The following XKR6 variants were observed in gnomAD, a reference collection of about 807,000 sequenced individuals.
XKR6 encodes the protein XK related 6.
XKR6 carries 22 observed loss-of-function variants against 56.7 expected under a neutral mutation model. The ratio of observed to expected loss-of-function variants is 0.39; its 90% CI spans 0.28 to 0.55. The LOEUF (loss-of-function observed/expected upper bound fraction) is 0.55, where lower values mean the gene tolerates loss of function less well. Among genes scored for constraint, XKR6 ranks in the 20% least tolerant of loss-of-function variants. The pLI, the probability that XKR6 is intolerant of heterozygous loss-of-function variation, is 0.66. For missense variants in XKR6, 852 were observed against 889.0 expected, an observed-to-expected ratio of 0.96 and a Z score of 0.53; for synonymous variants, 524 against 387.8, an observed-to-expected ratio of 1.35 and a Z score of -4.13.
intron 1 of XKR6, among the ~76,000 whole-genome samples, chr8:10,932,424 T>C (rs1245233055): frequency 9.0e-6 from 1 of 111,348 alleles, no homozygotes; most frequent in Non-Finnish European, 2.0e-5. Flanking sequence ...ATTTTCTTTT[T>C]CTTTTTTTTT....
chr8:11,088,174 A>G (rs990716553), intron 1 of XKR6, among the ~76,000 whole-genome samples: 2 of 152,178 alleles, frequency 1.3e-5, no homozygotes, highest in Admixed American at 6.5e-5. Flanking sequence ...ACACTGTGAT[A>G]TCAGAAGACC....
intron 2 of XKR6, 129 bp downstream of exon 2, chr8:10,924,505 G>C: frequency 8.8e-7 from 1 of 1,132,880 alleles, no homozygotes; most frequent in Non-Finnish European, 1.2e-6. Flanking sequence ...GGGGCCGGGC[G>C]TCCTGGGGAC....
At chr8:11,024,898 G>C (rs1408863792) in intron 1 of XKR6, among the ~76,000 whole-genome samples, 1 of 152,234 alleles carries the variant, frequency 6.6e-6, no homozygotes, top group Non-Finnish European at 1.5e-5. Flanking sequence ...CCCAAGTTGA[G>C]ACAGCACCTG....
chr8:11,033,784 T>C (rs1426581391), intron 1 of XKR6, among the ~76,000 whole-genome samples: 1 of 152,130 alleles, frequency 6.6e-6, no homozygotes, highest in Non-Finnish European at 1.5e-5. Context: ...CCAGGTCCAC[T>C]CGTATCTTCA....
At chr8:10,931,793 A>C (rs1801057908) in intron 1 of XKR6, among the ~76,000 whole-genome samples, 1 of 152,116 alleles carries the variant, frequency 6.6e-6, no homozygotes. Flanking sequence ...TATCAGACAA[A>C]GAGTTCTTAA....
intron 2 of XKR6, among the ~76,000 whole-genome samples, chr8:10,909,937 C>T (rs567185276): frequency 3.3e-5 from 5 of 151,692 alleles, no homozygotes; most frequent in African/African-American, 1.2e-4. Context: ...CCTAAGCTTA[C>T]AGTATTAAGC....
chr8:10,946,861 A>G (rs1206646070), intron 1 of XKR6, among the ~76,000 whole-genome samples: 2 of 152,136 alleles, frequency 1.3e-5, no homozygotes, highest in African/African-American at 4.8e-5. Context: ...TGTCAGAGGC[A>G]CTGGAGCTGA....
At chr8:11,195,235 A>T (rs1288633696) in intron 1 of XKR6, 1 of 700,000 alleles carries the variant, frequency 1.4e-6, no homozygotes, top group South Asian at 1.5e-5. Flanking sequence ...CAACATTATA[A>T]AAAATAATCA....
chr8:10,980,064 G>C (rs114288657), intron 1 of XKR6, among the ~76,000 whole-genome samples: 2,313 of 152,344 alleles, frequency 0.015, 56 homozygotes, highest in African/African-American at 0.053. Flanking sequence ...GAGATGAACA[G>C]ACAGGGGAGC....
Position 11,129,142 on chromosome 8 carries a change from T to C in XKR6, c.764+71434A>G, listed in dbSNP as rs1302907562. The stretch of plus-strand genomic sequence containing the variant: ...GGGCTATGATGAATAAAGGAGTTTC[T>C]TTTGGAGTGATGAAAACATTTTGCA... On this transcript the variant is annotated intron_variant, in intron 1 of 2. Transcript: ENST00000416569. 28 of 360,748 alleles carry C rather than the reference T, an allele frequency of 7.8e-5. No homozygotes were observed. The East Asian group carries it at 1.8e-3, about 23-fold the overall frequency. The allele number at this position is 360,748 out of a possible 1,614,324, so 22.3% of individuals were successfully genotyped here.
chr8:10,901,597 G>C (rs1800037563), intron 2 of XKR6, among the ~76,000 whole-genome samples: 1 of 152,158 alleles, frequency 6.6e-6, no homozygotes, highest in African/African-American at 2.4e-5. Context: ...TGTTAATCAT[G>C]AACATCTGGT....
chr8:10,954,405 A>G (rs1156948094), intron 1 of XKR6, among the ~76,000 whole-genome samples: 2 of 152,342 alleles, frequency 1.3e-5, no homozygotes, highest in Non-Finnish European at 1.5e-5. Flanking sequence ...GTATTTCCCT[A>G]AAGATTAATG....
rs62490734 is a variant in XKR6, at chr8:10,997,315, G to C, written c.765-72485C>G. ...CCTGTTTTAACTCCTTTAATCCTCA[G>C]AACAACCTCTTGAGGTGACCACTGT... On this transcript the variant is annotated intron_variant, in intron 1 of 2. Transcript: ENST00000416569. Among the ~76,000 whole-genome samples the C allele has an allele frequency of 3.3e-3, 499 of 152,210 alleles. 7 individuals are homozygous for C. Among genetic ancestry groups the C allele is most frequent in the Non-Finnish European group, 4.2e-3 (286 of 68,002 alleles).
chr8:11,198,597 T>G (rs1804022095), intron 1 of XKR6, among the ~76,000 whole-genome samples: 1 of 152,064 alleles, frequency 6.6e-6, no homozygotes, highest in Non-Finnish European at 1.5e-5. Context: ...TGCCCTAAAA[T>G]CTGGACTTCC....
chr8:11,180,160 A>G (rs533403079), intron 1 of XKR6, among the ~76,000 whole-genome samples: 1 of 152,276 alleles, frequency 6.6e-6, no homozygotes, highest in South Asian at 2.1e-4. Flanking sequence ...AAAAATAAAA[A>G]TAATAAAAGG....
chr8:11,186,586 C>A (rs1404915581), intron 1 of XKR6, among the ~76,000 whole-genome samples: 1 of 152,138 alleles, frequency 6.6e-6, no homozygotes, highest in Admixed American at 6.5e-5. Context: ...GCCTACATTG[C>A]CCAGGTTGGT....
chr8:10,978,756 C>T (rs1474257271), intron 1 of XKR6, among the ~76,000 whole-genome samples: 2 of 152,224 alleles, frequency 1.3e-5, no homozygotes, highest in Non-Finnish European at 2.9e-5. Context: ...AGTCTCCCTC[C>T]CTGGCCAGGG....
chr8:10,959,537 AG>A (rs1284687461), intron 1 of XKR6, among the ~76,000 whole-genome samples: 5 of 152,190 alleles, frequency 3.3e-5, no homozygotes. Context: ...ACTTGCAGAC[AG>A]CCACCTTCTT....
chr8:11,119,614 A>G (rs1040025519), intron 1 of XKR6, among the ~76,000 whole-genome samples: 8 of 152,104 alleles, frequency 5.3e-5, no homozygotes, highest in Admixed American at 4.6e-4. Flanking sequence ...TTTATCCGAG[A>G]CTAGGATTGC....
Sources: allele counts gnomAD v4.1 joint callset (sites outside exome capture counted in the v4.1 genomes callset), GRCh38; gene constraint gnomAD v4.1.1; transcripts MANE v1.5; gene names NCBI Gene and HGNC (gene_info 2026-07-23, HGNC 2026-07-21).